PCDHA2: variants seen among roughly 807,000 people sequenced by gnomAD.
PCDHA2 encodes the protein protocadherin alpha 2, also known as protocadherin alpha-2.
A neutral mutation model predicts 66.0 loss-of-function variants in PCDHA2; 58 were observed. The observed-to-expected ratio is 0.88, with a 90% confidence interval of 0.71 to 1.09. The LOEUF is 1.09. PCDHA2 is among the 50% of genes least tolerant of loss of function. The pLI is 0.00. For missense variants in PCDHA2, 1,267 were observed against 1,242.3 expected, an observed-to-expected ratio of 1.02 and a Z score of -0.30; for synonymous variants, 634 against 554.0, an observed-to-expected ratio of 1.14 and a Z score of -2.03.
At chr5:140,808,169 C>T in intron 1 of PCDHA2, 1 of 1,614,232 alleles carries the variant, frequency 6.2e-7, no homozygotes, top group Non-Finnish European at 8.5e-7. Flanking sequence ...TAAGGGACAG[C>T]TCCCACTTTC....
chr5:140,814,985 G>C (rs1388432067), intron 1 of PCDHA2: 1 of 151,982 alleles, frequency 6.6e-6, no homozygotes, highest in Admixed American at 6.5e-5. Context: ...AGACTATTTT[G>C]TGTGATGTAG....
At chr5:140,993,406 T>C (rs1382987714) in intron 3 of PCDHA2, among the ~76,000 whole-genome samples, 2 of 150,998 alleles carry the variant, frequency 1.3e-5, no homozygotes, top group South Asian at 4.2e-4. Flanking sequence ...TTAACCACCT[T>C]CATCAGCATT....
chr5:140,863,202 G>A (rs559007513), intron 1 of PCDHA2: 5 of 934,632 alleles, frequency 5.3e-6, no homozygotes, highest in African/African-American at 1.7e-5. Flanking sequence ...CGTCGCTGGC[G>A]GAGAGCAGCC....
intron 1 of PCDHA2, chr5:140,834,401 A>T (rs2150216637): frequency 1.9e-6 from 3 of 1,606,010 alleles, no homozygotes; most frequent in South Asian, 1.1e-5. Context: ...GCCCGAATGG[A>T]TACGACCCAG....
rs2150279468 is a variant in PCDHA2, at chr5:140,851,877, A to C, written c.2388+54525A>C. On this transcript the variant is annotated intron_variant, in intron 1 of 3. Coordinates refer to ENST00000526136, the MANE Select transcript of PCDHA2 (RefSeq NM_018905.3). Reference sequence around the variant, plus strand: ...CAGCTCATACATAACACAAGGCAGAAATCTGGATATGAGATTTGCCTCTTT... The same window carrying C: ...CAGCTCATACATAACACAAGGCAGACATCTGGATATGAGATTTGCCTCTTT... 2.0e-6 allele frequency: 2 copies of C among 977,786 alleles called. 1 individual carries two copies. The highest frequency in any genetic ancestry group is 3.5e-5 in the African/African-American group (2 of 56,674). The allele number at this position is 977,786 out of a possible 1,614,324, so 60.6% of individuals were successfully genotyped here.
At chr5:140,827,022 A>G (rs1294814001) in intron 1 of PCDHA2, among the ~76,000 whole-genome samples, 2 of 152,218 alleles carry the variant, frequency 1.3e-5, no homozygotes, top group African/African-American at 4.8e-5. Context: ...TAAAAATATG[A>G]ATTTAAAAAT....
At chr5:140,914,065 C>CTCCA (rs2076587155) in intron 1 of PCDHA2, among the ~76,000 whole-genome samples, 1 of 152,106 alleles carries the variant, frequency 6.6e-6, no homozygotes. Flanking sequence ...GGATGAAATG[C>CTCCA]TCCATAACTA....
Position 140,847,575 on chromosome 5 carries a change from A to C in PCDHA2, c.2388+50223A>C, listed in dbSNP as rs187622781. On this transcript the variant is annotated intron_variant, in intron 1 of 3. Coordinates refer to ENST00000526136, the MANE Select transcript of PCDHA2 (RefSeq NM_018905.3). The stretch of plus-strand genomic sequence containing the variant: ...ACAGAAATTGCCCCGAGTACTAAGG[A>C]TGAGCAATAATGAAATTAAAACATA... 1.3e-4 allele frequency: 19 copies of C among 149,686 alleles called. 1 individual carries two copies. In the East Asian group the frequency reaches 3.7e-3, roughly 29 times the overall value. 9.3% of individuals were successfully genotyped at this position (149,686 alleles called of 1,614,324 possible). A position where few individuals can be genotyped will look rare whatever the true frequency, so the allele number is the denominator to read the frequency against.
chr5:140,928,540 G>T lies in PCDHA2; in HGVS notation c.2389-50409G>T, dbSNP rs1554205973. 4 of 1,614,094 alleles carry T rather than the reference G, an allele frequency of 2.5e-6. No homozygotes were observed. In the Admixed American group the frequency reaches 5.0e-5, roughly 20 times the overall value. On this transcript the variant is annotated intron_variant, in intron 1 of 3. Coordinates refer to ENST00000526136, the MANE Select transcript of PCDHA2 (RefSeq NM_018905.3). The stretch of plus-strand genomic sequence containing the variant: ...AAACTTGTTTGTGGTAGATAGGAAT[G>T]ACAATTATCCGGTTATCTTGTTTCC...
At chr5:140,995,570 A>G (rs186345842) in intron 3 of PCDHA2, among the ~76,000 whole-genome samples, 1 of 152,210 alleles carries the variant, frequency 6.6e-6, no homozygotes, top group African/African-American at 2.4e-5. Flanking sequence ...ATATGTCAAG[A>G]TGAGCTATGA....
rs202032784 is a variant in PCDHA2, at chr5:140,927,180, C to T, written c.2389-51769C>T. On this transcript the variant is annotated intron_variant, in intron 1 of 3. Coordinates refer to ENST00000526136, the MANE Select transcript of PCDHA2 (RefSeq NM_018905.3). ...GGGCCAAAGCTGCCTGCGTCTTGAC[C>T]TACGACCTGGTGCTCGAGGACCCGC... is the stretch of plus-strand genomic sequence containing the variant. 5 of 1,614,048 alleles carry T rather than the reference C, an allele frequency of 3.1e-6. No homozygotes were observed. The South Asian group carries it at 3.3e-5, about 11-fold the overall frequency.
chr5:140,947,543 G>A (rs1013985097), intron 1 of PCDHA2, among the ~76,000 whole-genome samples: 1 of 151,548 alleles, frequency 6.6e-6, no homozygotes, highest in African/African-American at 2.4e-5. Context: ...TTTCTACAAA[G>A]AATTCCGCTG....
intron 1 of PCDHA2, among the ~76,000 whole-genome samples, chr5:140,946,990 C>T (rs181802680): frequency 2.6e-5 from 4 of 151,580 alleles, no homozygotes; most frequent in African/African-American, 9.7e-5. Context: ...TTTGAGTGTT[C>T]TAACTTCAAA....
Position 140,805,325 on chromosome 5 carries a change from T to C in PCDHA2, c.2388+7973T>C, listed in dbSNP as rs576956395. 4 of 1,253,514 alleles carry C rather than the reference T, an allele frequency of 3.2e-6. No homozygotes were observed. In the African/African-American group the frequency reaches 6.2e-5, roughly 19 times the overall value. 77.6% of individuals were successfully genotyped at this position (1,253,514 alleles called of 1,614,324 possible). On this transcript the variant is annotated intron_variant, in intron 1 of 3. Transcript: ENST00000526136. Reference sequence around the variant, plus strand: ...TCTTCCTCCTTTTTTCCAATGTGCTTGATGTCAATGATCATTTTGTAAAAA... The same window carrying C: ...TCTTCCTCCTTTTTTCCAATGTGCTCGATGTCAATGATCATTTTGTAAAAA...
At chr5:140,883,927 G>A (rs781895204) in intron 1 of PCDHA2, 2 of 1,613,456 alleles carry the variant, frequency 1.2e-6, no homozygotes, top group South Asian at 1.1e-5. Flanking sequence ...CGCTGCAGGT[G>A]TTCGTGCTGG....
At chr5:140,958,544 A>G (rs1218939069) in intron 1 of PCDHA2, among the ~76,000 whole-genome samples, 1 of 152,182 alleles carries the variant, frequency 6.6e-6, no homozygotes, top group Non-Finnish European at 1.5e-5. Flanking sequence ...TGATTTATGA[A>G]CCAATAAATG....
intron 1 of PCDHA2, among the ~76,000 whole-genome samples, chr5:140,896,143 T>C (rs932166066): frequency 2.6e-5 from 4 of 152,198 alleles, no homozygotes; most frequent in Non-Finnish European, 5.9e-5. Context: ...CAGTGCACCA[T>C]TGATGGGCAT....
chr5:141,007,831 C>T (rs1347788424), intron 3 of PCDHA2, among the ~76,000 whole-genome samples: 2 of 152,296 alleles, frequency 1.3e-5, no homozygotes, highest in East Asian at 3.9e-4. Context: ...CAAGTAGCTA[C>T]CCATTAGAGA....
chr5:140,827,940 C>T, intron 1 of PCDHA2: 2 of 1,159,002 alleles, frequency 1.7e-6, no homozygotes, highest in Non-Finnish European at 2.4e-6. Flanking sequence ...TTATAGCTAG[C>T]CAACATTCAA....
Sources: gnomAD v4.1 joint callset for allele counts (sites outside exome capture counted in the v4.1 genomes callset) on GRCh38, gnomAD v4.1.1 for gene constraint, MANE v1.5 for transcripts, NCBI Gene and HGNC (gene_info 2026-07-23, HGNC 2026-07-21) for gene names.